The following CD44 variants were observed in gnomAD, a reference collection of about 807,000 sequenced individuals.
CD44 encodes CD44 molecule (IN blood group).
In CD44, 49 loss-of-function variants were observed where a neutral mutation model predicts 88.8. The observed-to-expected ratio is 0.55, with a 90% CI of 0.44 to 0.70. CD44 has a LOEUF of 0.70. Among genes scored for constraint, CD44 ranks in the 30% least tolerant of loss-of-function variants. The probability of loss-of-function intolerance (pLI) is 0.00; values close to 1 mark genes in which losing one functional copy is unlikely to be tolerated. For missense variants in CD44, 883 were observed against 913.8 expected (o/e 0.97, Z 0.43); for synonymous variants, 325 against 312.3 (o/e 1.04, Z -0.43).
intron 1 of CD44, among the ~76,000 whole-genome samples, chr11:35,151,705 G>T (rs1465731573): frequency 1.3e-5 from 2 of 152,218 alleles, no homozygotes; most frequent in African/African-American, 4.8e-5. Context: ...ATGTTTCTGA[G>T]AGTTGTGTGT....
chr11:35,223,416 C>T (rs1320459207), intron 17 of CD44: 5 of 370,414 alleles, frequency 1.3e-5, no homozygotes, highest in South Asian at 2.2e-4. Flanking sequence ...ACCATAGAAA[C>T]GCTGGCATGG....
At position 35,229,466 on chromosome 11, in the gene CD44, C is replaced by G; in HGVS notation, c.*133C>G. 1.6e-6 allele frequency: 1 copy of G among 625,036 alleles called. No homozygotes were observed. Among genetic ancestry groups the G allele is most frequent in the African/African-American group, 1.8e-5 (1 of 54,412 alleles). 38.7% of individuals were successfully genotyped at this position (625,036 alleles called of 1,614,324 possible). A position where few individuals can be genotyped will look rare whatever the true frequency, so the allele number is the denominator to read the frequency against. ...CTTTTTTAGCATAAAATTTTCTACT[C>G]TTTTTGTTTTTTGTGTTTTGTTCTT... On this transcript the variant is annotated 3_prime_UTR_variant, in exon 18 of 18. Transcript: ENST00000428726.
intron 15 of CD44, among the ~76,000 whole-genome samples, chr11:35,217,125 G>A (rs1948891139): frequency 6.6e-6 from 1 of 152,086 alleles, no homozygotes; most frequent in Non-Finnish European, 1.5e-5. Context: ...TCCATCTTCT[G>A]TGGCTTTTGC....
chr11:35,169,756 A>G (rs1943674531), intron 1 of CD44, among the ~76,000 whole-genome samples: 2 of 152,164 alleles, frequency 1.3e-5, no homozygotes, highest in Non-Finnish European at 2.9e-5. Flanking sequence ...TCAGAGATCT[A>G]TTTTCCTTGA....
intron 11 of CD44, among the ~76,000 whole-genome samples, chr11:35,207,822 TG>T (rs1948021139): frequency 6.6e-6 from 1 of 152,208 alleles, no homozygotes; most frequent in Non-Finnish European, 1.5e-5. Flanking sequence ...CTGCAAGATT[TG>T]GGTGTTCCAT....
chr11:35,205,147 T>C (rs541873794), intron 10 of CD44, among the ~76,000 whole-genome samples: 10 of 152,330 alleles, frequency 6.6e-5, no homozygotes, highest in African/African-American at 2.2e-4. Flanking sequence ...TAATTTGTTT[T>C]TGAGTATAAA....
chr11:35,182,387 C>T (rs1945235491), intron 3 of CD44, among the ~76,000 whole-genome samples: 1 of 151,860 alleles, frequency 6.6e-6, no homozygotes, highest in African/African-American at 2.4e-5. Context: ...TAGATTTTGA[C>T]AAAAATTTAC....
At chr11:35,157,256 T>G (rs1276551869) in intron 1 of CD44, among the ~76,000 whole-genome samples, 2 of 152,160 alleles carry the variant, frequency 1.3e-5, no homozygotes, top group Non-Finnish European at 2.9e-5. Context: ...GGATGCATCC[T>G]GTGAGTTCCA....
chr11:35,220,827 C>G (rs1338658035), intron 16 of CD44, among the ~76,000 whole-genome samples: 1 of 133,768 alleles, frequency 7.5e-6, no homozygotes, highest in Non-Finnish European at 1.5e-5. Flanking sequence ...AGTGCAGTGG[C>G]GCGACCTCGG....
intron 1 of CD44, among the ~76,000 whole-genome samples, chr11:35,165,260 T>G (rs17446448): frequency 0.018 from 2,784 of 152,264 alleles, 101 homozygotes; most frequent in African/African-American, 0.064. Context: ...TCTGAATGCT[T>G]CCACTGGTCC....
chr11:35,208,366 A>C (rs915074162), intron 12 of CD44, among the ~76,000 whole-genome samples, 160 bp downstream of exon 12: 11 of 152,162 alleles, frequency 7.2e-5, no homozygotes, highest in African/African-American at 2.7e-4. Context: ...TTTCTTGTGG[A>C]GGTCTCTCAA....
intron 5 of CD44, among the ~76,000 whole-genome samples, chr11:35,192,097 A>G (rs536128807): frequency 6.6e-6 from 1 of 152,238 alleles, no homozygotes; most frequent in African/African-American, 2.4e-5. Context: ...TAACTAAAAC[A>G]TAGTTCAGGA....
At chr11:35,161,403 A>G (rs957430696) in intron 1 of CD44, among the ~76,000 whole-genome samples, 6 of 152,128 alleles carry the variant, frequency 3.9e-5, no homozygotes, top group African/African-American at 1.4e-4. Flanking sequence ...TCCAAGCCAT[A>G]TGGTTACTGC....
At chr11:35,194,274 A>G (rs796869950) in intron 5 of CD44, among the ~76,000 whole-genome samples, 7 of 152,348 alleles carry the variant, frequency 4.6e-5, no homozygotes, top group African/African-American at 1.7e-4. Context: ...TGTGGGAGAC[A>G]TTAGGAGTCT....
In CD44 at chr11:35,204,614, A is replaced by C; in HGVS notation, c.1256A>C (p.Asp419Ala). Reference sequence around the variant, plus strand: ...GGATATCGCCAAACACCCAAAGAAGACTCCCATTCGACAACAGGGACAGCT... The same window carrying C: ...GGATATCGCCAAACACCCAAAGAAGCCTCCCATTCGACAACAGGGACAGCT... The part of the protein sequence containing the change: ...HEGYRQTPKE[D>A]SHSTTGTAAA... Residue 419 changes from aspartate to alanine, a missense_variant, in exon 10 of 18, where the codon GAC (aspartate) becomes GCC (alanine). This residue lies in a region of CD44 where 631 missense variants were observed against 590.9 expected (regional missense o/e 1.07). Coordinates refer to ENST00000428726, the MANE Select transcript of CD44 (RefSeq NM_000610.4). 1 of 1,613,092 alleles carries C rather than the reference A, an allele frequency of 6.2e-7. No homozygotes were observed. Among genetic ancestry groups the C allele is most frequent in the Non-Finnish European group, 8.5e-7 (1 of 1,179,262 alleles).
chr11:35,200,524 A>T (rs566416180), intron 7 of CD44: 70 of 154,478 alleles, frequency 4.5e-4, no homozygotes, highest in Admixed American at 1.6e-3. Context: ...TCGCTAAAAC[A>T]TATGGCTATT....
intron 13 of CD44, chr11:35,210,531 T>C (rs549986009): frequency 1.3e-5 from 2 of 152,410 alleles, no homozygotes; most frequent in East Asian, 3.9e-4. Flanking sequence ...CCAGAAGTCA[T>C]TCAGGAGCAG....
chr11:35,140,764 T>C (rs1564986979), intron 1 of CD44, among the ~76,000 whole-genome samples: 1 of 152,180 alleles, frequency 6.6e-6, no homozygotes, highest in Non-Finnish European at 1.5e-5. Flanking sequence ...CCCATGCCTG[T>C]AATCCTAGGA....
chr11:35,181,008 G>A (rs1944936051), intron 3 of CD44, among the ~76,000 whole-genome samples: 1 of 152,218 alleles, frequency 6.6e-6, no homozygotes, highest in African/African-American at 2.4e-5. Flanking sequence ...GAATGCCAAG[G>A]AATAAAGTCA....
Sources: allele counts gnomAD v4.1 joint callset (sites outside exome capture counted in the v4.1 genomes callset), GRCh38; gene constraint gnomAD v4.1.1; regional missense constraint gnomAD v4.1.1; transcripts MANE v1.5; gene names NCBI Gene and HGNC (gene_info 2026-07-23, HGNC 2026-07-21).